Variants in LMX1B observed in about 807,000 individuals in gnomAD.
LMX1B encodes LIM homeobox transcription factor 1-beta.
In LMX1B, 12 loss-of-function variants were observed where a neutral mutation model predicts 51.4. The ratio of observed to expected loss-of-function variants is 0.23; its 90% CI spans 0.15 to 0.38. LMX1B has a LOEUF of 0.38. LMX1B is among the 10% of genes least tolerant of loss of function. The pLI is 1.00. For synonymous variants in LMX1B, 237 were observed against 235.4 expected (o/e 1.01, Z -0.06); for missense variants, 445 against 571.1 (o/e 0.78, Z 2.25).
chr9:126,638,868 C>A (rs908020366), intron 2 of LMX1B, among the ~76,000 whole-genome samples: 1 of 152,194 alleles, frequency 6.6e-6, no homozygotes, highest in Non-Finnish European at 1.5e-5. Flanking sequence ...ACTTTCTCTC[C>A]CCAGGACGGG....
At chr9:126,628,154 G>A (rs921398658) in intron 2 of LMX1B, among the ~76,000 whole-genome samples, 8 of 152,184 alleles carry the variant, frequency 5.3e-5, no homozygotes, top group Non-Finnish European at 1.0e-4. Context: ...TCTGACTCCC[G>A]CATACCCTGG....
chr9:126,675,963 G>T, intron 2 of LMX1B, among the ~76,000 whole-genome samples: 1 of 144,930 alleles, frequency 6.9e-6, no homozygotes, highest in Non-Finnish European at 1.5e-5. Flanking sequence ...GCAGGAGAAT[G>T]GCGTGAACCC....
At position 126,693,824 on chromosome 9, in the gene LMX1B, C is replaced by A; in HGVS notation, c.886+12C>A. The A allele has an allele frequency of 1.6e-6, 2 of 1,215,660 alleles. No homozygotes were observed. Among genetic ancestry groups the A allele is most frequent in the Non-Finnish European group, 2.3e-6 (2 of 854,268 alleles). 75.3% of individuals were successfully genotyped at this position (1,215,660 alleles called of 1,614,324 possible). A position where few individuals can be genotyped will look rare whatever the true frequency, so the allele number is the denominator to read the frequency against. On this transcript the variant is annotated intron_variant, in intron 6 of 7. Transcript: ENST00000373474. ...GCGGCTGGGCCAGGGTGAGCCGGGG[C>A]CGGGGCAGGGCCTGGGCCAGGGTGA...
chr9:126,698,350 G>A lies in LMX1B; in HGVS notation c.*1899G>A, dbSNP rs756806649. 2 of 152,518 alleles carry A rather than the reference G, an allele frequency of 1.3e-5. No homozygotes were observed. The highest frequency in any genetic ancestry group is 6.5e-5 in the Admixed American group (1 of 15,310). The allele number at this position is 152,518 out of a possible 1,614,324, so 9.4% of individuals were successfully genotyped here. A position where few individuals can be genotyped will look rare whatever the true frequency, so the allele number is the denominator to read the frequency against. On this transcript the variant is annotated 3_prime_UTR_variant, in exon 8 of 8. Transcript: ENST00000373474. ...GTTGGCCCTGGGTCTCACCTGAGGT[G>A]TGTGGACCGGGCTGGCCTCTCCCTG...
chr9:126,696,700 C>A lies in LMX1B; in HGVS notation c.*249C>A. On this transcript the variant is annotated 3_prime_UTR_variant, in exon 8 of 8. Transcript: ENST00000373474. ...GTCATCCCCAGGGACCCAGAGCTCT[C>A]GGACGGCCACTCGCCTCCCAGCCCC... The A allele has an allele frequency of 3.6e-6, 2 of 560,510 alleles. No homozygotes were observed. Among genetic ancestry groups the A allele is most frequent in the South Asian group, 4.4e-5 (2 of 45,572 alleles). The allele number at this position is 560,510 out of a possible 1,614,324, so 34.7% of individuals were successfully genotyped here.
chr9:126,633,880 G>T (rs750427801), intron 2 of LMX1B, among the ~76,000 whole-genome samples: 1 of 152,106 alleles, frequency 6.6e-6, no homozygotes. Flanking sequence ...CCATTTCAGC[G>T]ATATGGAGAC....
chr9:126,686,626 A>G (rs185728439), intron 2 of LMX1B, among the ~76,000 whole-genome samples: 3 of 152,320 alleles, frequency 2.0e-5, no homozygotes, highest in Admixed American at 2.0e-4. Context: ...TCGGGCCCCA[A>G]GTCTCAGGAA....
intron 2 of LMX1B, among the ~76,000 whole-genome samples, chr9:126,679,864 G>T (rs1353308781): frequency 6.6e-6 from 1 of 152,056 alleles, no homozygotes; most frequent in Non-Finnish European, 1.5e-5. Context: ...TCCCATCCCA[G>T]CCCCAACACT....
At chr9:126,637,681 C>A (rs1835737118) in intron 2 of LMX1B, among the ~76,000 whole-genome samples, 1 of 152,110 alleles carries the variant, frequency 6.6e-6, no homozygotes, top group East Asian at 1.9e-4. Context: ...AGCAGATGGC[C>A]AATCCTGGCC....
chr9:126,647,202 G>C (rs1245249629), intron 2 of LMX1B, among the ~76,000 whole-genome samples: 1 of 151,626 alleles, frequency 6.6e-6, no homozygotes, highest in Non-Finnish European at 1.5e-5. Flanking sequence ...AACAGAGTGA[G>C]ACTCCATCTC....
At position 126,697,273 on chromosome 9, in the gene LMX1B, C is replaced by T. The variant is rs1459221209; in HGVS notation, c.*822C>T. ...GACCCAGTTGTATCCCAGCCTGGGC[C>T]CAAATGGGGGCAGCCTGGGCAGGGA... On this transcript the variant is annotated 3_prime_UTR_variant, in exon 8 of 8. Transcript: ENST00000373474. 6.6e-6 allele frequency: 1 copy of T among 152,010 alleles called. No homozygotes were observed. Among genetic ancestry groups the T allele is most frequent in the Non-Finnish European group, 1.5e-5 (1 of 68,126 alleles). 9.4% of individuals were successfully genotyped at this position (152,010 alleles called of 1,614,324 possible).
chr9:126,661,661 C>T (rs1212700359), intron 2 of LMX1B, among the ~76,000 whole-genome samples: 1 of 152,126 alleles, frequency 6.6e-6, no homozygotes, highest in African/African-American at 2.4e-5. Context: ...TGTGGGGCCC[C>T]GCCCACCCCT....
At position 126,675,433 on chromosome 9, in the gene LMX1B, A is replaced by G. The variant is rs141959974; in HGVS notation, c.327-15403A>G. Among the ~76,000 whole-genome samples the G allele has an allele frequency of 3.1e-3, 476 of 152,366 alleles. 4 individuals carry two copies. Among genetic ancestry groups the G allele is most frequent in the African/African-American group, 0.01 (423 of 41,588 alleles). On this transcript the variant is annotated intron_variant, in intron 2 of 7. Coordinates refer to ENST00000373474, the MANE Select transcript of LMX1B (RefSeq NM_001174147.2). Reference sequence around the variant, plus strand: ...AAAAACAAATTCAATAATTTTTAAGATAAAAAATGTTGGCCGGGTGCGGTG... The same window carrying G: ...AAAAACAAATTCAATAATTTTTAAGGTAAAAAATGTTGGCCGGGTGCGGTG...
chr9:126,683,687 G>A (rs1013125151), intron 2 of LMX1B, among the ~76,000 whole-genome samples: 4 of 152,172 alleles, frequency 2.6e-5, no homozygotes, highest in Admixed American at 1.3e-4. Flanking sequence ...TGGGCACCTC[G>A]CCACCAGCCT....
intron 2 of LMX1B, among the ~76,000 whole-genome samples, chr9:126,686,815 G>A (rs1160184820): frequency 1.3e-5 from 2 of 152,246 alleles, no homozygotes; most frequent in African/African-American, 4.8e-5. Context: ...AATGGGAATG[G>A]AAACAGCATC....
At chr9:126,635,211 C>T (rs1326569314) in intron 2 of LMX1B, among the ~76,000 whole-genome samples, 1 of 152,218 alleles carries the variant, frequency 6.6e-6, no homozygotes, top group African/African-American at 2.4e-5. Context: ...CCTGCTCACC[C>T]TTCCCCCAGC....
At chr9:126,628,739 T>G (rs1290054153) in intron 2 of LMX1B, among the ~76,000 whole-genome samples, 6 of 152,196 alleles carry the variant, frequency 3.9e-5, no homozygotes, top group Non-Finnish European at 5.9e-5. Flanking sequence ...TATGTTTTTC[T>G]TTTCCAGGAG....
intron 2 of LMX1B, among the ~76,000 whole-genome samples, chr9:126,660,177 GTA>G (rs1443337482): frequency 9.3e-5 from 9 of 96,828 alleles, no homozygotes; most frequent in African/African-American, 1.5e-4. Flanking sequence ...CTGTGTGGGG[GTA>G]TCTACACTGG....
intron 2 of LMX1B, among the ~76,000 whole-genome samples, chr9:126,639,781 C>A (rs914439192): frequency 3.9e-5 from 6 of 152,276 alleles, no homozygotes; most frequent in African/African-American, 1.2e-4. Flanking sequence ...TTTAATGAGG[C>A]CCATGCGGTT....
Sources: allele counts gnomAD v4.1 joint callset (sites outside exome capture counted in the v4.1 genomes callset), GRCh38; gene constraint gnomAD v4.1.1; transcripts MANE v1.5; gene names NCBI Gene and HGNC (gene_info 2026-07-23, HGNC 2026-07-21).